Variants in ASCC3 observed in about 807,000 individuals in gnomAD.
The protein encoded by ASCC3 is ASC-1 complex subunit P200.
A neutral mutation model predicts 256.3 loss-of-function variants in ASCC3; 158 were observed. The ratio of observed to expected loss-of-function variants is 0.62; its 90% confidence interval spans 0.54 to 0.70. ASCC3 has a LOEUF of 0.70. Ranked by LOEUF, ASCC3 falls within the 30% of genes least tolerant of loss-of-function variation. The pLI, the probability that ASCC3 is intolerant of heterozygous loss-of-function variation, is 0.00. For synonymous variants in ASCC3, 948 were observed against 883.4 expected (o/e 1.07, Z -1.30); for missense variants, 2,259 against 2,626.0 (o/e 0.86, Z 3.05).
intron 3 of ASCC3, among the ~76,000 whole-genome samples, chr6:100,863,617 CTTT>C (rs1554249080): frequency 6.6e-6 from 1 of 151,382 alleles, no homozygotes; most frequent in African/African-American, 2.4e-5. Flanking sequence ...TACGGACTGT[CTTT>C]TTTTTTCTGT....
At chr6:100,703,308 T>A (rs1778429086) in intron 13 of ASCC3, among the ~76,000 whole-genome samples, 1 of 152,068 alleles carries the variant, frequency 6.6e-6, no homozygotes, top group Admixed American at 6.6e-5. Context: ...AGTTTGTAAG[T>A]TTGCTTAAAT....
At chr6:100,710,110 C>G (rs1778794646) in intron 13 of ASCC3, among the ~76,000 whole-genome samples, 1 of 152,162 alleles carries the variant, frequency 6.6e-6, no homozygotes, top group Non-Finnish European at 1.5e-5. Flanking sequence ...AAATACAAAT[C>G]TGGACACGAT....
chr6:100,591,073 C>T (rs1193390544), intron 34 of ASCC3, among the ~76,000 whole-genome samples: 2 of 152,016 alleles, frequency 1.3e-5, no homozygotes, highest in East Asian at 3.8e-4. Context: ...TGAAAAGTTA[C>T]TGCTTTTTCT....
intron 14 of ASCC3, among the ~76,000 whole-genome samples, chr6:100,665,826 T>A (rs1481211139): frequency 6.6e-6 from 1 of 151,964 alleles, no homozygotes; most frequent in African/African-American, 2.4e-5. Flanking sequence ...ATTTTAAAAA[T>A]CATCATAAAG....
At chr6:100,525,158 A>C (rs1774511409) in intron 37 of ASCC3, among the ~76,000 whole-genome samples, 4 of 50,578 alleles carry the variant, frequency 7.9e-5, no homozygotes, top group African/African-American at 5.3e-4. Context: ...CCCTGTCTCA[A>C]AAAAAAAAAA....
chr6:100,509,210 C>T lies in ASCC3; in HGVS notation c.*176G>A, dbSNP rs995565672. The T allele has an allele frequency of 1.2e-5, 9 of 748,482 alleles. No homozygotes were observed. Among genetic ancestry groups the T allele is most frequent in the Non-Finnish European group, 1.8e-5 (8 of 442,610 alleles). 46.4% of individuals were successfully genotyped at this position (748,482 alleles called of 1,614,324 possible). ...ATAAAAGGCAACATTTGTTAAAAGG[C>T]CACTGTGGTTAACTTTATGTCACTG... On this transcript the variant is annotated 3_prime_UTR_variant, in exon 42 of 42. Coordinates refer to ENST00000369162, the MANE Select transcript of ASCC3 (RefSeq NM_006828.4).
intron 30 of ASCC3, among the ~76,000 whole-genome samples, chr6:100,612,894 A>G (rs1773477195): frequency 1.3e-5 from 2 of 151,758 alleles, no homozygotes; most frequent in African/African-American, 4.8e-5. Context: ...ATATAAATAT[A>G]TTTATATGTG....
chr6:100,740,794 T>C (rs974892801), intron 10 of ASCC3, among the ~76,000 whole-genome samples: 10 of 152,230 alleles, frequency 6.6e-5, no homozygotes, highest in African/African-American at 2.2e-4. Context: ...TGTGTGTCTT[T>C]GCCTATGATA....
intron 36 of ASCC3, among the ~76,000 whole-genome samples, chr6:100,543,971 G>C (rs775479804): frequency 2.0e-5 from 3 of 152,030 alleles, no homozygotes; most frequent in Non-Finnish European, 4.4e-5. Flanking sequence ...CAAATTTCAA[G>C]TGATACTTTG....
intron 16 of ASCC3, 93 bp downstream of exon 16, chr6:100,661,713 C>A (rs1208084989): frequency 7.7e-7 from 1 of 1,295,460 alleles, no homozygotes; most frequent in Non-Finnish European, 1.1e-6. Flanking sequence ...TAATCCTAAA[C>A]ACTACAAAAC....
chr6:100,862,626 CA>C (rs1348213895), intron 3 of ASCC3, among the ~76,000 whole-genome samples: 1 of 152,056 alleles, frequency 6.6e-6, no homozygotes, highest in Admixed American at 6.6e-5. Context: ...ATTTATTTAA[CA>C]AATGAATTTT....
In ASCC3 at chr6:100,841,748, T is replaced by C. The variant is rs1020273274; in HGVS notation, c.801+6400A>G. ...ATCATATGTCTAAAAGACAGTCATA[T>C]AGGAGTTGATGCCTATGACTTTGTT... On this transcript the variant is annotated intron_variant, in intron 4 of 41. Transcript: ENST00000369162. Among the ~76,000 whole-genome samples the C allele has an allele frequency of 9.2e-5, 14 of 151,888 alleles. 1 individual carries two copies. The highest frequency in any genetic ancestry group is 4.8e-5 in the African/African-American group (2 of 41,364).
intron 24 of ASCC3, among the ~76,000 whole-genome samples, chr6:100,641,145 C>T (rs1339630006): frequency 1.3e-5 from 2 of 152,098 alleles, no homozygotes; most frequent in Admixed American, 1.3e-4. Flanking sequence ...TCATTGTAAA[C>T]ATTTATTCCT....
At chr6:100,809,392 A>G (rs530199172) in intron 4 of ASCC3, among the ~76,000 whole-genome samples, 7 of 152,028 alleles carry the variant, frequency 4.6e-5, no homozygotes, top group Non-Finnish European at 8.8e-5. Flanking sequence ...TTGTTAATTA[A>G]AACTTCACAC....
At chr6:100,629,312 AAATT>A (rs145072122) in intron 26 of ASCC3, 131 bp from the exon 27 acceptor site, 124,865 of 839,684 alleles carry the variant, frequency 0.15, 10,875 homozygotes, top group Non-Finnish European at 0.18. Flanking sequence ...TTGATTTTTG[AAATT>A]TTCCAAGTTG....
intron 36 of ASCC3, among the ~76,000 whole-genome samples, chr6:100,540,961 C>T (rs1305675590): frequency 6.6e-6 from 1 of 152,038 alleles, no homozygotes; most frequent in East Asian, 1.9e-4. Context: ...TTAGATCATA[C>T]AGAGAGTTAG....
intron 14 of ASCC3, among the ~76,000 whole-genome samples, chr6:100,671,694 C>T (rs1356355918): frequency 6.6e-6 from 1 of 152,014 alleles, no homozygotes; most frequent in African/African-American, 2.4e-5. Flanking sequence ...TCCTTTCCCC[C>T]AGTGAAAGCA....
At chr6:100,588,908 A>G (rs1771843699) in intron 36 of ASCC3, among the ~76,000 whole-genome samples, 1 of 152,158 alleles carries the variant, frequency 6.6e-6, no homozygotes, top group Non-Finnish European at 1.5e-5. Context: ...TTTTCTAAAA[A>G]GCACCAACAC....
intron 1 of ASCC3, among the ~76,000 whole-genome samples, chr6:100,878,398 C>T (rs750923147): frequency 2.0e-5 from 3 of 152,080 alleles, no homozygotes; most frequent in Non-Finnish European, 4.4e-5. Flanking sequence ...AGAATATTCC[C>T]CCCCAAAGTT....
Sources: gnomAD v4.1 joint callset for allele counts (sites outside exome capture counted in the v4.1 genomes callset) on GRCh38, gnomAD v4.1.1 for gene constraint, MANE v1.5 for transcripts, NCBI Gene and HGNC (gene_info 2026-07-23, HGNC 2026-07-21) for gene names.